Variants in CHST11 observed in about 807,000 individuals in gnomAD.
CHST11 encodes the protein C4S-1.
A neutral mutation model predicts 30.4 loss-of-function variants in CHST11; 9 were observed. That is an observed-to-expected ratio of 0.30 (90% CI 0.18 to 0.52). The LOEUF is 0.52. Among genes scored for constraint, CHST11 ranks in the 20% least tolerant of loss-of-function variants. CHST11 has a pLI of 0.97. For synonymous variants in CHST11, 152 were observed against 187.8 expected (o/e 0.81, Z 1.56); for missense variants, 348 against 460.6 (o/e 0.76, Z 2.24).
At chr12:104,662,511 T>C (rs703661) in intron 2 of CHST11, among the ~76,000 whole-genome samples, 25,537 of 152,208 alleles carry the variant, frequency 0.17, 2,262 homozygotes, top group Non-Finnish European at 0.19. Context: ...TCAAACTAGA[T>C]ATTTTTCAAA....
In CHST11 at chr12:104,704,510, G is replaced by T. The variant is rs1054379059; in HGVS notation, c.205-52439G>T. The stretch of plus-strand genomic sequence containing the variant: ...GAACTGCTGCTGGTTAGAGGAGGGG[G>T]TGGGACCCAGCTGCCTTGACCGTCA... On this transcript the variant is annotated intron_variant, in intron 2 of 2. Coordinates refer to ENST00000303694, the MANE Select transcript of CHST11 (RefSeq NM_018413.6). Among the ~76,000 whole-genome samples, 28 of 152,142 alleles carry T rather than the reference G, an allele frequency of 1.8e-4. 1 individual carries two copies. The highest frequency in any genetic ancestry group is 1.8e-3 in the Admixed American group (28 of 15,278).
intron 1 of CHST11, among the ~76,000 whole-genome samples, chr12:104,483,842 G>A (rs542981143): frequency 1.2e-4 from 18 of 152,260 alleles, no homozygotes; most frequent in African/African-American, 4.3e-4. Flanking sequence ...GAGGACTGTG[G>A]CTCTTCTTAC....
At chr12:104,555,011 C>G (rs1302887898) in intron 1 of CHST11, among the ~76,000 whole-genome samples, 3 of 152,206 alleles carry the variant, frequency 2.0e-5, no homozygotes, top group Admixed American at 6.5e-5. Context: ...TTCATTCATT[C>G]ACTCACTCAG....
chr12:104,561,458 G>T (rs946311816), intron 1 of CHST11, among the ~76,000 whole-genome samples: 1 of 152,174 alleles, frequency 6.6e-6, no homozygotes, highest in South Asian at 2.1e-4. Context: ...GTTTTTAGCT[G>T]GTCTTTATTC....
At chr12:104,464,060 A>G (rs1593948061) in intron 1 of CHST11, among the ~76,000 whole-genome samples, 1 of 148,206 alleles carries the variant, frequency 6.7e-6, no homozygotes, top group Admixed American at 6.7e-5. Flanking sequence ...GAAGTCTCCT[A>G]CTTGCACTTT....
At chr12:104,737,672 A>G (rs768353244) in intron 2 of CHST11, among the ~76,000 whole-genome samples, 4 of 152,230 alleles carry the variant, frequency 2.6e-5, no homozygotes, top group Admixed American at 6.5e-5. Context: ...AGGAAGACAC[A>G]GAGTGGAGGT....
chr12:104,575,583 C>A (rs977748208), intron 1 of CHST11, among the ~76,000 whole-genome samples: 1 of 152,092 alleles, frequency 6.6e-6, no homozygotes, highest in Non-Finnish European at 1.5e-5. Context: ...AACATCTGTC[C>A]GTTTGAAGGA....
chr12:104,584,493 C>G (rs1650143), intron 1 of CHST11, among the ~76,000 whole-genome samples: 131,763 of 152,026 alleles, frequency 0.87, 57,313 homozygotes, highest in East Asian at 1. Flanking sequence ...CTGACCTCAG[C>G]TGATCCCCCT....
At chr12:104,697,806 C>T (rs1382191169) in intron 2 of CHST11, among the ~76,000 whole-genome samples, 1 of 152,198 alleles carries the variant, frequency 6.6e-6, no homozygotes, top group Non-Finnish European at 1.5e-5. Flanking sequence ...CCTCAGGGCT[C>T]CTGGAGATTC....
intron 2 of CHST11, among the ~76,000 whole-genome samples, chr12:104,651,945 C>G (rs10861261): frequency 0.11 from 16,447 of 152,262 alleles, 911 homozygotes; most frequent in Non-Finnish European, 0.12. Flanking sequence ...ATTTCGTTCT[C>G]ATTCTTTCCT....
chr12:104,736,724 A>T (rs190374856), intron 2 of CHST11, among the ~76,000 whole-genome samples: 74 of 152,290 alleles, frequency 4.9e-4, no homozygotes, highest in African/African-American at 1.7e-3. Flanking sequence ...GTCTTAGAGT[A>T]GCCCTTTGAG....
chr12:104,539,662 A>C (rs1370094208), intron 1 of CHST11, among the ~76,000 whole-genome samples: 1 of 152,164 alleles, frequency 6.6e-6, no homozygotes, highest in Non-Finnish European at 1.5e-5. Context: ...TGTCAGCCAC[A>C]ATGGCATAAT....
intron 2 of CHST11, among the ~76,000 whole-genome samples, chr12:104,696,503 A>AAAAAAAAAAAG (rs2039948280): frequency 2.0e-5 from 3 of 149,126 alleles, no homozygotes; most frequent in Non-Finnish European, 3.0e-5. Flanking sequence ...AAAAAAAAAA[A>AAAAAAAAAAAG]AAAACATAGC....
intron 1 of CHST11, among the ~76,000 whole-genome samples, chr12:104,491,000 G>T (rs2037738968): frequency 6.7e-6 from 1 of 149,698 alleles, no homozygotes; most frequent in Non-Finnish European, 1.5e-5. Context: ...TGCTGTGCTG[G>T]GTGGCAGGGG....
intron 1 of CHST11, among the ~76,000 whole-genome samples, chr12:104,519,196 A>G (rs2038054456): frequency 6.6e-6 from 1 of 152,018 alleles, no homozygotes; most frequent in African/African-American, 2.4e-5. Context: ...AGGGGACTTG[A>G]GCCTGCACTA....
intron 1 of CHST11, among the ~76,000 whole-genome samples, chr12:104,498,490 C>T (rs1337421643): frequency 3.3e-5 from 5 of 152,150 alleles, no homozygotes; most frequent in African/African-American, 1.2e-4. Flanking sequence ...AACCTCAAAC[C>T]ACTAAAAAGC....
chr12:104,739,644 T>G (rs376277538), intron 2 of CHST11, among the ~76,000 whole-genome samples: 17 of 152,340 alleles, frequency 1.1e-4, no homozygotes, highest in Middle Eastern at 3.4e-3. Flanking sequence ...ATTTTTTTCA[T>G]GAGAAAAAAC....
At chr12:104,631,165 C>T (rs778990535) in intron 2 of CHST11, among the ~76,000 whole-genome samples, 3 of 152,156 alleles carry the variant, frequency 2.0e-5, no homozygotes, top group South Asian at 2.1e-4. Context: ...GGAGCAAGTT[C>T]GCAGTGGCGT....
intron 1 of CHST11, among the ~76,000 whole-genome samples, chr12:104,518,916 A>G (rs1020651933): frequency 2.0e-5 from 3 of 150,856 alleles, no homozygotes; most frequent in Admixed American, 6.6e-5. Flanking sequence ...AGATGGTGTT[A>G]TGCATTTTAA....
Sources: allele counts gnomAD v4.1 joint callset (sites outside exome capture counted in the v4.1 genomes callset), GRCh38; gene constraint gnomAD v4.1.1; transcripts MANE v1.5; gene names NCBI Gene and HGNC (gene_info 2026-07-23, HGNC 2026-07-21).